Variants in AKNA observed in about 807,000 individuals in gnomAD.
The protein encoded by AKNA is microtubule organization protein AKNA.
Under a neutral mutation model 138.8 loss-of-function variants are expected in AKNA, and 67 were observed. The ratio of observed to expected loss-of-function variants is 0.48; its 90% CI spans 0.40 to 0.59. The LOEUF (loss-of-function observed/expected upper bound fraction) is 0.59. Ranked by LOEUF, AKNA falls within the 20% of genes least tolerant of loss-of-function variation. AKNA has a pLI of 0.00. For synonymous variants in AKNA, 737 were observed against 754.4 expected, an observed-to-expected ratio of 0.98 and a Z score of 0.38; for missense variants, 1,813 against 1,880.4, an observed-to-expected ratio of 0.96 and a Z score of 0.66.
intron 6 of AKNA, among the ~76,000 whole-genome samples, chr9:114,367,080 C>T (rs1187331520): frequency 6.6e-6 from 1 of 152,168 alleles, no homozygotes; most frequent in Admixed American, 6.5e-5. Context: ...GACCTGCAAA[C>T]AATTCACGGT....
At chr9:114,384,533 C>G (rs554800404) in intron 1 of AKNA, among the ~76,000 whole-genome samples, 83 of 152,314 alleles carry the variant, frequency 5.4e-4, no homozygotes, top group Admixed American at 1.5e-3. Flanking sequence ...ATCAATCTCC[C>G]CCTTAACTCC....
At chr9:114,371,396 A>G (rs943004527) in intron 4 of AKNA, among the ~76,000 whole-genome samples, 23 of 152,378 alleles carry the variant, frequency 1.5e-4, no homozygotes, top group African/African-American at 5.3e-4. Flanking sequence ...AGAGTGGTCC[A>G]TAAACATCAC....
chr9:114,334,835 C>G lies in AKNA; in HGVS notation c.*2219G>C, dbSNP rs1374241671. The G allele has an allele frequency of 6.7e-6, 1 of 148,338 alleles. No individual in the cohort carries two copies. The highest frequency in any genetic ancestry group is 2.7e-5 in the African/African-American group (1 of 37,628). The allele number at this position is 148,338 out of a possible 1,614,324, so 9.2% of individuals were successfully genotyped here. On this transcript the variant is annotated 3_prime_UTR_variant, in exon 22 of 22. Transcript: ENST00000374088. Reference sequence around the variant, plus strand: ...TCCACAGGCACCACTCCCCTTTGTACCTCCTGTCCCAACAGCCAAGCTCCA... The same window carrying G: ...TCCACAGGCACCACTCCCCTTTGTAGCTCCTGTCCCAACAGCCAAGCTCCA...
intron 1 of AKNA, among the ~76,000 whole-genome samples, chr9:114,382,807 A>G (rs1833785260): frequency 6.6e-6 from 1 of 152,074 alleles, no homozygotes; most frequent in Non-Finnish European, 1.5e-5. Flanking sequence ...GCAGGCTGGT[A>G]TTTGCCAGGG....
intron 4 of AKNA, among the ~76,000 whole-genome samples, chr9:114,371,037 T>C (rs1424801304): frequency 1.3e-5 from 2 of 152,158 alleles, no homozygotes; most frequent in Non-Finnish European, 2.9e-5. Context: ...GGTGGCAACA[T>C]GGCAGCAAAT....
At position 114,361,875 on chromosome 9, in the gene AKNA, G is replaced by C. The variant is rs749709673; in HGVS notation, c.1953C>G (p.Cys651Trp). The C allele has an allele frequency of 6.8e-6, 11 of 1,607,134 alleles. No individual in the cohort carries two copies. The South Asian group carries it at 1.1e-4, about 16-fold the overall frequency. Residue 651 changes from cysteine to tryptophan, a missense_variant, in exon 9 of 22, where the codon TGC becomes TGG. By Grantham distance (215) the Cys-to-Trp change is radical. Coordinates refer to ENST00000374088, the MANE Select transcript of AKNA (RefSeq NM_001317950.2). Reference sequence around the variant, plus strand: ...CTATGTGTTCCTTCAGCTCTTCCAGGCAGCTTCCCAGACGGTATATCTCTG... The same window carrying C: ...CTATGTGTTCCTTCAGCTCTTCCAGCCAGCTTCCCAGACGGTATATCTCTG... ...LEAEIYRLGS[C>W]LEELKEHIDQ... is the part of the protein sequence containing the mutation.
At chr9:114,358,363 C>A in intron 11 of AKNA, 196 bp from the exon 12 acceptor site, 1 of 634,808 alleles carries the variant, frequency 1.6e-6, no homozygotes. Context: ...TCACTTTTCT[C>A]AACTATAAAA....
At chr9:114,374,188 AC>A in intron 3 of AKNA, 21 bp from the exon 4 acceptor site, 1 of 1,552,488 alleles carries the variant, frequency 6.4e-7, no homozygotes, top group Non-Finnish European at 8.7e-7. Context: ...CGGGAGCAAC[AC>A]GGTCACATGC....
chr9:114,337,123 C>T lies in AKNA; in HGVS notation c.4251G>A (p.Arg1417=). 6.2e-7 allele frequency: 1 copy of T among 1,607,586 alleles called. No individual in the cohort carries two copies. The part of the protein sequence containing the change: ...QAAESVRSTT[R]QMRSSLSADL... ...CGGCTGACAGCGAGCTTCTCATCTG[C>T]CTGGTGGTAGAGCGGACGCTCTCGG... is the stretch of plus-strand genomic sequence containing the variant. Residue 1417 remains arginine (R), a synonymous_variant, in exon 22 of 22, where the codon AGG becomes AGA. Coordinates refer to ENST00000374088, the MANE Select transcript of AKNA (RefSeq NM_001317950.2).
intron 1 of AKNA, among the ~76,000 whole-genome samples, chr9:114,381,655 GTTTTTT>G (rs1160552279): frequency 1.2e-5 from 1 of 82,858 alleles, no homozygotes. Context: ...TCTCTCCAGG[GTTTTTT>G]TTTTTTTTTT....
At chr9:114,364,449 G>A in intron 7 of AKNA, 111 bp downstream of exon 7, 1 of 1,110,412 alleles carries the variant, frequency 9.0e-7, no homozygotes, top group Non-Finnish European at 1.4e-6. Flanking sequence ...AAGAGACCCT[G>A]TGTCTGGGAT....
At chr9:114,381,588 G>T in intron 1 of AKNA, 142 bp from the exon 2 acceptor site, 1 of 722,714 alleles carries the variant, frequency 1.4e-6, no homozygotes, top group Non-Finnish European at 1.9e-6. Flanking sequence ...GTCACCTTGG[G>T]CAAGTCACTC....
In AKNA at chr9:114,335,868, T is replaced by C. The variant is rs1829970555; in HGVS notation, c.*1186A>G. 1 of 151,562 alleles carries C rather than the reference T, an allele frequency of 6.6e-6. No individual in the cohort carries two copies. The highest frequency in any genetic ancestry group is 1.5e-5 in the Non-Finnish European group (1 of 68,004). The allele number at this position is 151,562 out of a possible 1,614,324, so 9.4% of individuals were successfully genotyped here. Reference sequence around the variant, plus strand: ...CATACTCTTGTAGACAGCAACTTGCTGTGTGCCTCATTTACATCTCTGGCC... The same window carrying C: ...CATACTCTTGTAGACAGCAACTTGCCGTGTGCCTCATTTACATCTCTGGCC... On this transcript the variant is annotated 3_prime_UTR_variant, in exon 22 of 22. Coordinates refer to ENST00000374088, the MANE Select transcript of AKNA (RefSeq NM_001317950.2).
chr9:114,375,672 G>A (rs537739850), intron 3 of AKNA, among the ~76,000 whole-genome samples: 1 of 152,076 alleles, frequency 6.6e-6, no homozygotes, highest in Non-Finnish European at 1.5e-5. Flanking sequence ...TCTAGTGGGG[G>A]TGAATAGGGG....
downstream of AKNA, among the ~76,000 whole-genome samples, chr9:114,331,137 CCT>C (rs1191874270): frequency 6.6e-6 from 1 of 152,066 alleles, no homozygotes; most frequent in Non-Finnish European, 1.5e-5. Context: ...TTCAGATCTG[CCT>C]CTCTCTCACG....
chr9:114,390,822 C>A (rs1834305894), upstream of AKNA, among the ~76,000 whole-genome samples: 4 of 152,236 alleles, frequency 2.6e-5, no homozygotes, highest in South Asian at 2.1e-4. Flanking sequence ...AGTCCCACTT[C>A]TTTTCCCTGT....
intron 14 of AKNA, among the ~76,000 whole-genome samples, chr9:114,354,512 G>A (rs1370148321): frequency 6.6e-6 from 1 of 152,114 alleles, no homozygotes; most frequent in African/African-American, 2.4e-5. Context: ...AGGAGATCGA[G>A]ACCATCTTGG....
At chr9:114,360,448 C>T (rs1302032093) in intron 9 of AKNA, among the ~76,000 whole-genome samples, 1 of 152,142 alleles carries the variant, frequency 6.6e-6, no homozygotes, top group African/African-American at 2.4e-5. Context: ...CTCTCCTGAC[C>T]CCCATCCATT....
chr9:114,375,466 G>A (rs535508194), intron 3 of AKNA, among the ~76,000 whole-genome samples: 2 of 152,306 alleles, frequency 1.3e-5, no homozygotes, highest in Non-Finnish European at 2.9e-5. Context: ...GGACGGGAAC[G>A]AATAAGCCAT....
Sources: gnomAD v4.1 joint callset for allele counts (sites outside exome capture counted in the v4.1 genomes callset) on GRCh38, gnomAD v4.1.1 for gene constraint, MANE v1.5 for transcripts, NCBI Gene and HGNC (gene_info 2026-07-23, HGNC 2026-07-21) for gene names.